The following CPED1 variants were observed in gnomAD, a reference collection of about 807,000 sequenced individuals.
The protein encoded by CPED1 is cadherin-like and PC-esterase domain-containing protein 1.
In CPED1, 114 loss-of-function variants were observed where a neutral mutation model predicts 128.2. That is an observed-to-expected ratio of 0.89 (90% confidence interval 0.76 to 1.04). The LOEUF (loss-of-function observed/expected upper bound fraction) is 1.04. CPED1 is among the 50% of genes least tolerant of loss of function. The pLI is 0.00. For synonymous variants in CPED1, 462 were observed against 426.7 expected (o/e 1.08, Z -1.02); for missense variants, 1,211 against 1,207.1 (o/e 1.00, Z -0.05).
intron 16 of CPED1, among the ~76,000 whole-genome samples, chr7:121,223,843 C>A (rs1005061773): frequency 6.6e-6 from 1 of 151,354 alleles, no homozygotes; most frequent in African/African-American, 2.4e-5. Flanking sequence ...TTTGATTCTT[C>A]TCTCTTTTCT....
At position 120,988,850 on chromosome 7, in the gene CPED1, A is replaced by T. The variant is rs1010035927; in HGVS notation, c.-294A>T. 1 of 152,236 alleles carries T rather than the reference A, an allele frequency of 6.6e-6. No homozygotes were observed. The highest frequency in any genetic ancestry group is 1.5e-5 in the Non-Finnish European group (1 of 68,098). 9.4% of individuals were successfully genotyped at this position (152,236 alleles called of 1,614,324 possible). ...GGGTGTTTCCTTCCGAGTGGTTTTC[A>T]TCAGCAATCCATTAGGAAATCATGG... On this transcript the variant is annotated 5_prime_UTR_variant, in exon 1 of 23. Coordinates refer to ENST00000310396, the MANE Select transcript of CPED1 (RefSeq NM_024913.5).
At chr7:121,058,065 TGG>T (rs1292806185) in intron 4 of CPED1, among the ~76,000 whole-genome samples, 3 of 151,594 alleles carry the variant, frequency 2.0e-5, no homozygotes, top group African/African-American at 7.3e-5. Flanking sequence ...GAGAAAGTCT[TGG>T]TTGAGGAACG....
intron 5 of CPED1, chr7:121,076,759 A>G (rs528630801): frequency 2.0e-5 from 3 of 152,294 alleles, no homozygotes; most frequent in African/African-American, 7.2e-5. Flanking sequence ...AAAAGGGAAT[A>G]AATCTGCTAT....
intron 16 of CPED1, among the ~76,000 whole-genome samples, chr7:121,219,579 C>T (rs1797832396): frequency 6.6e-6 from 1 of 151,892 alleles, no homozygotes; most frequent in Non-Finnish European, 1.5e-5. Context: ...TCCTGAGTTC[C>T]TTGCAGACTA....
Position 121,295,719 on chromosome 7 carries a change from C to T in CPED1, c.*67C>T. 7.4e-7 allele frequency: 1 copy of T among 1,347,806 alleles called. No homozygotes were observed. The highest frequency in any genetic ancestry group is 1.4e-5 in the African/African-American group (1 of 69,568). The allele number at this position is 1,347,806 out of a possible 1,614,324, so 83.5% of individuals were successfully genotyped here. Reference sequence around the variant, plus strand: ...AGTCACCCGGACAATGGTCTAGGAGCCAAGCGCTGCACATCGCACACATTT... The same window carrying T: ...AGTCACCCGGACAATGGTCTAGGAGTCAAGCGCTGCACATCGCACACATTT... On this transcript the variant is annotated 3_prime_UTR_variant, in exon 23 of 23. Transcript: ENST00000310396.
intron 16 of CPED1, among the ~76,000 whole-genome samples, chr7:121,204,175 A>T (rs1220010427): frequency 6.6e-6 from 1 of 152,114 alleles, no homozygotes. Context: ...AAATTGGAGA[A>T]GGGGCCACTG....
At chr7:121,033,957 C>T (rs867490880) in intron 3 of CPED1, among the ~76,000 whole-genome samples, 41 of 152,196 alleles carry the variant, frequency 2.7e-4, no homozygotes, top group African/African-American at 9.4e-4. Context: ...ACAATGTTAA[C>T]CCAGATATGA....
At chr7:121,059,742 G>T (rs1793602433) in intron 4 of CPED1, among the ~76,000 whole-genome samples, 1 of 152,150 alleles carries the variant, frequency 6.6e-6, no homozygotes, top group South Asian at 2.1e-4. Context: ...TTTTGCCTCT[G>T]ACAATATGTA....
intron 16 of CPED1, among the ~76,000 whole-genome samples, chr7:121,169,876 T>A (rs2116463475): frequency 6.6e-6 from 1 of 151,944 alleles, no homozygotes; most frequent in African/African-American, 2.4e-5. Context: ...TGTGTTTGGA[T>A]TTTTTTTTCT....
At chr7:121,277,361 A>C (rs1792349594) in intron 22 of CPED1, among the ~76,000 whole-genome samples, 1 of 152,098 alleles carries the variant, frequency 6.6e-6, no homozygotes, top group Non-Finnish European at 1.5e-5. Flanking sequence ...CAAATATGAC[A>C]CTGGAGGGAC....
intron 16 of CPED1, among the ~76,000 whole-genome samples, chr7:121,154,986 CAAA>C (rs1796252785): frequency 6.6e-6 from 1 of 152,072 alleles, no homozygotes; most frequent in Non-Finnish European, 1.5e-5. Context: ...AATACTCTAT[CAAA>C]AAACTTAGAG....
At chr7:121,113,417 C>T (rs1795161125) in intron 7 of CPED1, among the ~76,000 whole-genome samples, 1 of 152,112 alleles carries the variant, frequency 6.6e-6, no homozygotes, top group Non-Finnish European at 1.5e-5. Context: ...ATTTTTCAGG[C>T]TGGAGAAAGT....
At chr7:121,218,461 C>A (rs1194933011) in intron 16 of CPED1, among the ~76,000 whole-genome samples, 3 of 151,962 alleles carry the variant, frequency 2.0e-5, no homozygotes, top group Non-Finnish European at 2.9e-5. Context: ...TATTAGCAGA[C>A]TATTTATATG....
At chr7:121,246,764 A>C (rs553340464) in intron 18 of CPED1, among the ~76,000 whole-genome samples, 1 of 152,354 alleles carries the variant, frequency 6.6e-6, no homozygotes, top group East Asian at 1.9e-4. Context: ...GGTTAAAAAA[A>C]AAAGATCATT....
At chr7:120,991,909 A>AT (rs1796315717) in intron 2 of CPED1, among the ~76,000 whole-genome samples, 1 of 152,212 alleles carries the variant, frequency 6.6e-6, no homozygotes, top group African/African-American at 2.4e-5. Flanking sequence ...ATGTCACTCC[A>AT]TTTTTAACCT....
chr7:121,149,165 C>T (rs1275575258), intron 16 of CPED1, among the ~76,000 whole-genome samples: 1 of 152,152 alleles, frequency 6.6e-6, no homozygotes, highest in African/African-American at 2.4e-5. Flanking sequence ...CCTTTACCAT[C>T]ATTTACCAAG....
chr7:121,223,075 T>C (rs1256580298), intron 16 of CPED1, among the ~76,000 whole-genome samples: 1 of 152,212 alleles, frequency 6.6e-6, no homozygotes, highest in Non-Finnish European at 1.5e-5. Flanking sequence ...CCATTCAGTA[T>C]GATATTGGCT....
intron 16 of CPED1, among the ~76,000 whole-genome samples, chr7:121,207,523 C>A (rs1182616818): frequency 6.6e-6 from 1 of 152,014 alleles, no homozygotes; most frequent in Non-Finnish European, 1.5e-5. Flanking sequence ...TTTCCAATGG[C>A]ACTAATTTCA....
intron 16 of CPED1, among the ~76,000 whole-genome samples, chr7:121,181,964 A>G (rs754919083): frequency 6.6e-6 from 1 of 152,148 alleles, no homozygotes; most frequent in Non-Finnish European, 1.5e-5. Context: ...TAGTACCTGG[A>G]AATTTAAAAG....
Sources: gnomAD v4.1 joint callset for allele counts (sites outside exome capture counted in the v4.1 genomes callset) on GRCh38, gnomAD v4.1.1 for gene constraint, MANE v1.5 for transcripts, NCBI Gene and HGNC (gene_info 2026-07-23, HGNC 2026-07-21) for gene names.